The following CTNNA3 variants were observed in gnomAD, a reference collection of about 807,000 sequenced individuals.
CTNNA3 encodes catenin alpha-3.
In CTNNA3, 76 loss-of-function variants were observed where a neutral mutation model predicts 95.7. The observed-to-expected ratio is 0.79, with a 90% CI of 0.66 to 0.96. The LOEUF (loss-of-function observed/expected upper bound fraction) is 0.96, where lower values mean the gene tolerates loss of function less well. Among genes scored for constraint, CTNNA3 ranks in the 40% least tolerant of loss-of-function variants. The pLI, the probability that CTNNA3 is intolerant of heterozygous loss-of-function variation, is 0.00. For synonymous variants in CTNNA3, 431 were observed against 374.4 expected (o/e 1.15, Z -1.74); for missense variants, 1,191 against 1,089.8 (o/e 1.09, Z -1.31).
chr10:67,691,576 C>T (rs1256185142), intron 1 of CTNNA3, among the ~76,000 whole-genome samples: 2 of 151,164 alleles, frequency 1.3e-5, no homozygotes, highest in East Asian at 2.0e-4. Flanking sequence ...CGTCTCTGCC[C>T]GGTCGCCCCG....
intron 10 of CTNNA3, among the ~76,000 whole-genome samples, chr10:66,594,119 C>T (rs1251140591): frequency 6.6e-6 from 1 of 152,082 alleles, no homozygotes; most frequent in Non-Finnish European, 1.5e-5. Flanking sequence ...CATGACATCT[C>T]CTCAAATCTT....
At chr10:66,685,348 T>C (rs1847249370) in intron 9 of CTNNA3, among the ~76,000 whole-genome samples, 1 of 53,352 alleles carries the variant, frequency 1.9e-5, no homozygotes, top group Non-Finnish European at 3.1e-5. Flanking sequence ...TATATATATA[T>C]ATATTTTTTT....
At chr10:66,157,511 A>G (rs78829557) in intron 13 of CTNNA3, among the ~76,000 whole-genome samples, 6,317 of 107,696 alleles carry the variant, frequency 0.059, 170 homozygotes, top group Non-Finnish European at 0.062. Context: ...AGATAGATAG[A>G]TAGATAGATA....
chr10:66,009,333 G>T (rs958979814), intron 15 of CTNNA3, among the ~76,000 whole-genome samples: 2 of 151,984 alleles, frequency 1.3e-5, no homozygotes, highest in Non-Finnish European at 2.9e-5. Flanking sequence ...ACAATGGGTC[G>T]CACTTAAGGA....
chr10:66,420,835 A>AAATAAATAAATAAATTAATTAATT (rs751801209), intron 11 of CTNNA3, among the ~76,000 whole-genome samples: 61 of 93,008 alleles, frequency 6.6e-4, no homozygotes, highest in Middle Eastern at 5.1e-3. Context: ...ATAAATAAAT[A>AAATAAATAAATAAATTAATTAATT]AATAAAAAAC....
chr10:66,593,272 A>C (rs996737077), intron 10 of CTNNA3, among the ~76,000 whole-genome samples: 1 of 152,030 alleles, frequency 6.6e-6, no homozygotes, highest in Non-Finnish European at 1.5e-5. Context: ...AAGATTTCTG[A>C]CTTTTCTGAT....
chr10:66,240,708 G>A (rs1317503391), intron 13 of CTNNA3, among the ~76,000 whole-genome samples: 1 of 151,862 alleles, frequency 6.6e-6, no homozygotes, highest in Non-Finnish European at 1.5e-5. Flanking sequence ...AAAACATCAA[G>A]CTAAAAATGA....
At chr10:67,490,865 A>G (rs1426548914) in intron 5 of CTNNA3, among the ~76,000 whole-genome samples, 1 of 152,136 alleles carries the variant, frequency 6.6e-6, no homozygotes. Flanking sequence ...AGAAATAAGA[A>G]AGGGAAAATC....
intron 1 of CTNNA3, among the ~76,000 whole-genome samples, chr10:67,684,061 G>A (rs976007798): frequency 7.2e-5 from 11 of 152,222 alleles, no homozygotes; most frequent in Admixed American, 1.3e-4. Flanking sequence ...GCGGGTTGCC[G>A]CTGCTGGCTC....
chr10:66,865,104 AT>A (rs1329266030), intron 7 of CTNNA3, among the ~76,000 whole-genome samples: 2 of 151,860 alleles, frequency 1.3e-5, no homozygotes, highest in African/African-American at 4.8e-5. Context: ...TTAAGACATC[AT>A]TTTTCCATAC....
chr10:66,925,973 C>T (rs930922393), intron 7 of CTNNA3: 1 of 456,434 alleles, frequency 2.2e-6, no homozygotes. Flanking sequence ...TCTGCACATG[C>T]CCATAATGTT....
At chr10:66,038,009 A>G (rs2079602460) in intron 15 of CTNNA3, among the ~76,000 whole-genome samples, 1 of 152,220 alleles carries the variant, frequency 6.6e-6, no homozygotes. Context: ...CTACGTGTTC[A>G]CCAGCCCAGA....
chr10:66,296,614 TACAC>T (rs58065988), intron 12 of CTNNA3, among the ~76,000 whole-genome samples: 1 of 150,534 alleles, frequency 6.6e-6, no homozygotes, highest in Non-Finnish European at 1.5e-5. Context: ...TCTATATCTA[TACAC>T]ACACACACAC....
At chr10:65,972,178 C>T (rs774924224) in intron 16 of CTNNA3, among the ~76,000 whole-genome samples, 2 of 151,950 alleles carry the variant, frequency 1.3e-5, no homozygotes, top group Non-Finnish European at 2.9e-5. Context: ...TAAGAGCCAT[C>T]TAAGAGAAAC....
Position 66,899,577 on chromosome 10 carries a change from G to A in CTNNA3, c.1048-124053C>T, listed in dbSNP as rs191312063. Among the ~76,000 whole-genome samples, 158 of 152,214 alleles carry A rather than the reference G, an allele frequency of 1.0e-3. 1 individual carries two copies. In the East Asian group the frequency reaches 0.012, roughly 12 times the overall value. On this transcript the variant is annotated intron_variant, in intron 7 of 17. Coordinates refer to ENST00000433211, the MANE Select transcript of CTNNA3 (RefSeq NM_013266.4). Reference sequence around the variant, plus strand: ...CCTCACCCAGGAAGTGCAAGGGTTCGGAGGATTTCCCTTTTCTAGACAAGG... The same window carrying A: ...CCTCACCCAGGAAGTGCAAGGGTTCAGAGGATTTCCCTTTTCTAGACAAGG...
At chr10:66,179,925 G>A (rs1332928823) in intron 13 of CTNNA3, among the ~76,000 whole-genome samples, 1 of 152,080 alleles carries the variant, frequency 6.6e-6, no homozygotes, top group Non-Finnish European at 1.5e-5. Context: ...GTATAAACTT[G>A]TAATTTGAAT....
intron 7 of CTNNA3, among the ~76,000 whole-genome samples, chr10:67,031,089 T>C (rs1166139850): frequency 1.3e-5 from 2 of 152,244 alleles, no homozygotes; most frequent in Non-Finnish European, 2.9e-5. Flanking sequence ...ACTTGACTTC[T>C]GTTTTCACAT....
intron 14 of CTNNA3, among the ~76,000 whole-genome samples, chr10:66,100,046 T>C (rs2081555957): frequency 6.6e-6 from 1 of 152,130 alleles, no homozygotes; most frequent in Non-Finnish European, 1.5e-5. Context: ...TTTCTTTTAT[T>C]ATTTTCTTCC....
chr10:66,103,971 C>T (rs561931429), intron 13 of CTNNA3, among the ~76,000 whole-genome samples: 7 of 152,150 alleles, frequency 4.6e-5, no homozygotes, highest in African/African-American at 1.7e-4. Context: ...ATTTGGCTAC[C>T]CACTATGTGG....
Sources: gnomAD v4.1 joint callset for allele counts (sites outside exome capture counted in the v4.1 genomes callset) on GRCh38, gnomAD v4.1.1 for gene constraint, MANE v1.5 for transcripts, NCBI Gene and HGNC (gene_info 2026-07-23, HGNC 2026-07-21) for gene names.